BAG3: variants seen among roughly 807,000 people sequenced by gnomAD.
BAG3 encodes BAG cochaperone 3.
In BAG3, 14 loss-of-function variants were observed where a neutral mutation model predicts 40.5. That is an observed-to-expected ratio of 0.35 (90% confidence interval 0.23 to 0.54). The LOEUF is 0.54. Ranked by LOEUF, BAG3 falls within the 20% of genes least tolerant of loss-of-function variation. The probability of loss-of-function intolerance (pLI) is 0.91; values close to 1 mark genes in which losing one functional copy is unlikely to be tolerated. For synonymous variants in BAG3, 302 were observed against 307.8 expected, an observed-to-expected ratio of 0.98 and a Z score of 0.20; for missense variants, 788 against 758.6, an observed-to-expected ratio of 1.04 and a Z score of -0.46.
chr10:119,668,192 C>T (rs1248589952), intron 1 of BAG3, among the ~76,000 whole-genome samples: 4 of 152,232 alleles, frequency 2.6e-5, no homozygotes, highest in Non-Finnish European at 4.4e-5. Flanking sequence ...GGAGGCCCTC[C>T]AAGGGCAGGG....
At chr10:119,652,124 C>T (rs2577336) in intron 1 of BAG3, among the ~76,000 whole-genome samples, 1 of 152,086 alleles carries the variant, frequency 6.6e-6, no homozygotes, top group South Asian at 2.1e-4. Context: ...GCTCCGGTGC[C>T]GTCCACGGCT....
Position 119,676,719 on chromosome 10 carries a change from A to G in BAG3, c.1165A>G (p.Ser389Gly), listed in dbSNP as rs752618673. 1.2e-6 allele frequency: 2 copies of G among 1,614,070 alleles called. No homozygotes were observed. The highest frequency in any genetic ancestry group is 1.7e-6 in the Non-Finnish European group (2 of 1,180,008). ...TTCTGCTGTCCCCTCTTCCCCCAAG[A>G]GTGTGGCTACAGAAGAGAGGGCAGC... is the stretch of plus-strand genomic sequence containing the variant. ...GPSAVPSSPK[S>G]VATEERAAPS... The change falls in exon 4 of 4, where the codon AGT becomes GGT. Residue 389 changes from serine to glycine, a missense_variant. Ser to Gly is a moderately conservative substitution (Grantham distance 56). Coordinates refer to ENST00000369085, the MANE Select transcript of BAG3 (RefSeq NM_004281.4).
rs557413376 is a variant in BAG3, at chr10:119,663,404, A to AT, written c.181-6445dup. Among the ~76,000 whole-genome samples the AT allele has an allele frequency of 1.4e-4, 21 of 152,086 alleles. No homozygotes were observed. The South Asian group carries it at 4.4e-3, about 32-fold the overall frequency. On this transcript the variant is annotated intron_variant, in intron 1 of 3. Coordinates refer to ENST00000369085, the MANE Select transcript of BAG3 (RefSeq NM_004281.4). Reference sequence around the variant, plus strand: ...AACCTCTCACCCCTGGGTTCAAGCGATTCTCGTGCATCATCAACTTCCTAA... The same window carrying AT: ...AACCTCTCACCCCTGGGTTCAAGCGATTTCTCGTGCATCATCAACTTCCTAA...
At chr10:119,660,328 C>G (rs1216603388) in intron 1 of BAG3, among the ~76,000 whole-genome samples, 1 of 152,200 alleles carries the variant, frequency 6.6e-6, no homozygotes, top group African/African-American at 2.4e-5. Context: ...CAGAGCAGGC[C>G]TCTTCCCCAG....
At chr10:119,665,098 G>C (rs1380299262) in intron 1 of BAG3, among the ~76,000 whole-genome samples, 55 of 70,096 alleles carry the variant, frequency 7.8e-4, no homozygotes, top group Non-Finnish European at 1.6e-3. Context: ...TTGTTTGTGT[G>C]TGTGTGTGTG....
At chr10:119,663,526 TC>T (rs1196887691) in intron 1 of BAG3, among the ~76,000 whole-genome samples, 1 of 152,070 alleles carries the variant, frequency 6.6e-6, no homozygotes, top group Non-Finnish European at 1.5e-5. Flanking sequence ...GGTCTCAAAC[TC>T]CTGGGAATGG....
At chr10:119,657,449 A>G (rs1320671372) in intron 1 of BAG3, 1 of 450,290 alleles carries the variant, frequency 2.2e-6, no homozygotes, top group Non-Finnish European at 4.7e-6. Flanking sequence ...CTGCCTCTTG[A>G]TGCCTGGCAG....
Position 119,669,923 on chromosome 10 carries a change from G to A in BAG3, c.253G>A (p.Val85Met), listed in dbSNP as rs770184307. Reference sequence around the variant, plus strand: ...GCCGCCTGCTAGGGAAGGCCACCCTGTGTACCCCCAGCTCCGACCAGGCTA... The same window carrying A: ...GCCGCCTGCTAGGGAAGGCCACCCTATGTACCCCCAGCTCCGACCAGGCTA... ...RLPPAREGHP[V>M]YPQLRPGYIP... is the part of the protein sequence containing the mutation. Residue 85 changes from valine to methionine, a missense_variant, in exon 2 of 4, where the codon GTG (valine) becomes ATG (methionine). Physicochemically the swap from Val to Met is conservative, Grantham distance 21. Coordinates refer to ENST00000369085, the MANE Select transcript of BAG3 (RefSeq NM_004281.4). 6.2e-6 allele frequency: 10 copies of A among 1,614,224 alleles called. No homozygotes were observed. The highest frequency in any genetic ancestry group is 1.7e-5 in the Admixed American group (1 of 60,036).
At chr10:119,669,806 T>C (rs1163925391) in intron 1 of BAG3, 45 bp from the exon 2 acceptor site, 7 of 1,581,912 alleles carry the variant, frequency 4.4e-6, no homozygotes, top group Non-Finnish European at 6.1e-6. Context: ...GAGGGTTCAC[T>C]TCCCAGTTTC....
intron 3 of BAG3, among the ~76,000 whole-genome samples, chr10:119,675,849 TCCTG>T (rs1313932225): frequency 1.9e-5 from 1 of 52,800 alleles, no homozygotes; most frequent in Non-Finnish European, 3.5e-5. Flanking sequence ...CCTCCTTCCT[TCCTG>T]CCCCCTTCCC....
chr10:119,665,092 T>TTGTGTGTGTGTGTG (rs1554876557), intron 1 of BAG3, among the ~76,000 whole-genome samples: 5 of 87,964 alleles, frequency 5.7e-5, no homozygotes, highest in South Asian at 3.7e-4. Context: ...TAATTTTTGT[T>TTGTGTGTGTGTGTG]TGTGTGTGTG....
rs1265240633 is a variant in BAG3 at position 119,676,870 on chromosome 10, T to C, written c.1316T>C (p.Val439Ala). Residue 439 changes from valine to alanine, a missense_variant, in exon 4 of 4, where the codon GTA becomes GCA. Transcript: ENST00000369085. ...AAGGTACAGGGGCTGGAGCAGGCTG[T>C]AGACAACTTTGAAGGCAAGAAGACT... ...LEKVQGLEQA[V>A]DNFEGKKTDK... 2 of 1,614,004 alleles carry C rather than the reference T, an allele frequency of 1.2e-6. No homozygotes were observed. The highest frequency in any genetic ancestry group is 2.2e-5 in the East Asian group (1 of 44,896).
At chr10:119,671,382 A>T (rs1434552296) in intron 2 of BAG3, among the ~76,000 whole-genome samples, 1 of 152,236 alleles carries the variant, frequency 6.6e-6, no homozygotes, top group Admixed American at 6.5e-5. Flanking sequence ...TAAATGCGAG[A>T]CATCTTCACA....
intron 1 of BAG3, chr10:119,657,584 C>G (rs1211114160): frequency 6.4e-6 from 3 of 471,094 alleles, no homozygotes; most frequent in South Asian, 3.1e-5. Context: ...TCCCGGGAAG[C>G]CTTCCATTGG....
At chr10:119,662,196 C>T (rs1165447513) in intron 1 of BAG3, among the ~76,000 whole-genome samples, 2 of 151,090 alleles carry the variant, frequency 1.3e-5, no homozygotes, top group East Asian at 1.9e-4. Flanking sequence ...TGCAGGCCCC[C>T]GCCACCATGC....
In BAG3 at chr10:119,651,549, T is replaced by C; in HGVS notation, c.-127T>C. ...CACCCCCGCCTTTAATTCATAAAGG[T>C]GCCCGGCGCCGGCTTCCCGGACACG... On this transcript the variant is annotated 5_prime_UTR_variant, in exon 1 of 4. Transcript: ENST00000369085. The C allele has an allele frequency of 2.3e-6, 2 of 878,366 alleles. No homozygotes were observed. Among genetic ancestry groups the C allele is most frequent in the Non-Finnish European group, 3.1e-6 (2 of 639,668 alleles). 54.4% of individuals were successfully genotyped at this position (878,366 alleles called of 1,614,324 possible). A position where few individuals can be genotyped will look rare whatever the true frequency, so the allele number is the denominator to read the frequency against.
rs904831655 is a variant in BAG3, at chr10:119,651,624, C to T, written c.-52C>T. 3 of 1,451,338 alleles carry T rather than the reference C, an allele frequency of 2.1e-6. No homozygotes were observed. The allele number at this position is 1,451,338 out of a possible 1,614,324, so 89.9% of individuals were successfully genotyped here. On this transcript the variant is annotated 5_prime_UTR_variant, in exon 1 of 4. Transcript: ENST00000369085. ...CGGCGGCCCGGCCAGAGACTCGGCG[C>T]CCGGAGCCAGCGCCCCGCACCCGCG...
chr10:119,651,660 C>G lies in BAG3; in HGVS notation c.-16C>G. On this transcript the variant is annotated 5_prime_UTR_variant, in exon 1 of 4. Transcript: ENST00000369085. ...CGCCCCGCACCCGCGCCCCAGCGGG[C>G]AGACCCCAACCCAGCATGAGCGCCG... is the stretch of plus-strand genomic sequence containing the variant. The G allele has an allele frequency of 6.5e-7, 1 of 1,546,654 alleles. No individual in the cohort carries two copies. The highest frequency in any genetic ancestry group is 2.7e-5 in the East Asian group (1 of 37,266).
At chr10:119,664,759 C>G (rs1847036006) in intron 1 of BAG3, among the ~76,000 whole-genome samples, 1 of 152,166 alleles carries the variant, frequency 6.6e-6, no homozygotes, top group Non-Finnish European at 1.5e-5. Context: ...ACTTAGTAGA[C>G]TGAAGAGACA....
Sources: allele counts gnomAD v4.1 joint callset (sites outside exome capture counted in the v4.1 genomes callset), GRCh38; gene constraint gnomAD v4.1.1; transcripts MANE v1.5; gene names NCBI Gene and HGNC (gene_info 2026-07-23, HGNC 2026-07-21).